RBMS3: variants seen among roughly 807,000 people sequenced by gnomAD.
RBMS3 encodes RNA binding motif single stranded interacting protein 3.
RBMS3 carries 27 observed loss-of-function variants against 66.8 expected under a neutral mutation model. The observed-to-expected ratio is 0.40, with a 90% CI of 0.30 to 0.56. RBMS3 has a LOEUF of 0.56. Ranked by LOEUF, RBMS3 falls within the 20% of genes least tolerant of loss-of-function variation. The pLI is 0.40. For missense variants in RBMS3, 513 were observed against 549.5 expected (o/e 0.93, Z 0.66); for synonymous variants, 188 against 183.0 (o/e 1.03, Z -0.22).
chr3:29,685,656 T>C (rs1005236833), intron 4 of RBMS3, among the ~76,000 whole-genome samples: 3 of 152,150 alleles, frequency 2.0e-5, no homozygotes, highest in Non-Finnish European at 4.4e-5. Context: ...GCTTAAACAA[T>C]AGGCAGGAAC....
intron 1 of RBMS3, among the ~76,000 whole-genome samples, chr3:29,364,458 C>T (rs1420369556): frequency 1.3e-5 from 2 of 152,044 alleles, no homozygotes; most frequent in African/African-American, 2.4e-5. Flanking sequence ...CTTATGCTTC[C>T]ACAGCAAAGT....
intron 1 of RBMS3, among the ~76,000 whole-genome samples, chr3:29,340,815 T>C (rs1294992496): frequency 1.3e-5 from 2 of 152,154 alleles, no homozygotes; most frequent in African/African-American, 4.8e-5. Context: ...GCAGAAATGG[T>C]AGCAAATAAA....
chr3:29,861,855 G>A (rs2059224991), intron 6 of RBMS3, among the ~76,000 whole-genome samples: 1 of 152,144 alleles, frequency 6.6e-6, no homozygotes. Context: ...ATTGCCATGT[G>A]TTGTTATAAT....
intron 3 of RBMS3, among the ~76,000 whole-genome samples, chr3:29,489,937 G>A (rs1177985049): frequency 6.6e-6 from 1 of 150,668 alleles, no homozygotes; most frequent in Non-Finnish European, 1.5e-5. Flanking sequence ...CAGCTACTTG[G>A]GAGGCTGTGG....
intron 1 of RBMS3, among the ~76,000 whole-genome samples, chr3:29,284,865 T>TTC (rs1553626444): frequency 6.9e-5 from 9 of 131,192 alleles, no homozygotes; most frequent in Non-Finnish European, 1.0e-4. Context: ...AATTTTTCTT[T>TTC]TTTTTTTTTT....
chr3:29,382,853 T>C (rs1188488882), intron 1 of RBMS3, among the ~76,000 whole-genome samples: 1 of 152,194 alleles, frequency 6.6e-6, no homozygotes, highest in Non-Finnish European at 1.5e-5. Context: ...TCCTATTTCT[T>C]TTTATAACCC....
At chr3:29,871,262 C>T (rs1182440402) in intron 7 of RBMS3, among the ~76,000 whole-genome samples, 12 of 152,108 alleles carry the variant, frequency 7.9e-5, no homozygotes, top group Admixed American at 7.2e-4. Context: ...TGCATTTTCT[C>T]CTGTTAATCA....
At chr3:29,319,042 A>G (rs1692664456) in intron 1 of RBMS3, among the ~76,000 whole-genome samples, 2 of 151,986 alleles carry the variant, frequency 1.3e-5, no homozygotes, top group African/African-American at 4.8e-5. Context: ...AATGACAAAT[A>G]CTTCAGCGTG....
chr3:29,549,059 G>GAT (rs2046085338), intron 3 of RBMS3, among the ~76,000 whole-genome samples: 1 of 85,364 alleles, frequency 1.2e-5, no homozygotes, highest in African/African-American at 4.4e-5. Flanking sequence ...TCCTACTTCT[G>GAT]TTTTTTTTTT....
chr3:29,991,051 A>G (rs1214185032), intron 13 of RBMS3, 31 bp from the exon 14 acceptor site: 1 of 1,609,114 alleles, frequency 6.2e-7, no homozygotes, highest in Non-Finnish European at 8.5e-7. Flanking sequence ...TGAAGCAAGT[A>G]AGGCTTTTAT....
chr3:29,308,750 A>G (rs2034177914), intron 1 of RBMS3, among the ~76,000 whole-genome samples: 1 of 33,368 alleles, frequency 3.0e-5, no homozygotes, highest in African/African-American at 8.5e-5. Context: ...AAAAAACAAA[A>G]AAAAACAAAA....
rs188833560 is a variant in RBMS3, at chr3:29,582,915, A to G, written c.308-4199A>G. The stretch of plus-strand genomic sequence containing the variant: ...GGTTACTTGAGACATTTTTACATAA[A>G]CTTCTATTGTAACTAGTGAAAGTGT... On this transcript the variant is annotated intron_variant, in intron 3 of 14. Transcript: ENST00000383767. 5.5e-4 allele frequency among the ~76,000 whole-genome samples: 83 copies of G among 152,264 alleles called. 1 individual carries two copies. In the South Asian group the frequency reaches 0.016, roughly 29 times the overall value.
chr3:29,664,411 C>G (rs1038998815), intron 4 of RBMS3, among the ~76,000 whole-genome samples: 9 of 152,026 alleles, frequency 5.9e-5, no homozygotes, highest in African/African-American at 2.2e-4. Flanking sequence ...TCGCTTGAAC[C>G]CAGGAGGCAA....
chr3:29,512,610 C>CTTT (rs2044457994), intron 3 of RBMS3, among the ~76,000 whole-genome samples: 1 of 152,078 alleles, frequency 6.6e-6, no homozygotes, highest in Non-Finnish European at 1.5e-5. Flanking sequence ...AAGAAACTGA[C>CTTT]CCAAAGACTT....
chr3:29,587,883 GTATT>G, intron 4 of RBMS3, among the ~76,000 whole-genome samples: 1 of 151,908 alleles, frequency 6.6e-6, no homozygotes, highest in Non-Finnish European at 1.5e-5. Context: ...AAACTGTAAT[GTATT>G]TTATTATCTA....
chr3:29,666,123 A>G (rs1397588633), intron 4 of RBMS3, among the ~76,000 whole-genome samples: 2 of 152,170 alleles, frequency 1.3e-5, no homozygotes, highest in Non-Finnish European at 2.9e-5. Context: ...ATTCTCCCGA[A>G]TATCCATTTG....
chr3:29,643,622 A>G (rs908401264), intron 4 of RBMS3, among the ~76,000 whole-genome samples: 2 of 152,138 alleles, frequency 1.3e-5, no homozygotes, highest in African/African-American at 2.4e-5. Context: ...TCTGCAGGGA[A>G]AAAAGGGAGA....
intron 5 of RBMS3, among the ~76,000 whole-genome samples, chr3:29,752,525 A>G (rs2055229158): frequency 6.6e-6 from 1 of 152,160 alleles, no homozygotes; most frequent in Admixed American, 6.5e-5. Context: ...TTTCTGATAA[A>G]ATATTTGATT....
chr3:29,723,468 G>A (rs1378112132), intron 4 of RBMS3, among the ~76,000 whole-genome samples: 2 of 152,124 alleles, frequency 1.3e-5, no homozygotes, highest in Non-Finnish European at 2.9e-5. Context: ...CTCATAGATT[G>A]TAACTTTATC....
Sources: gnomAD v4.1 joint callset for allele counts (sites outside exome capture counted in the v4.1 genomes callset) on GRCh38, gnomAD v4.1.1 for gene constraint, MANE v1.5 for transcripts, NCBI Gene and HGNC (gene_info 2026-07-23, HGNC 2026-07-21) for gene names.